CTNNA2: variants seen among roughly 807,000 people sequenced by gnomAD.
CTNNA2 encodes the protein catenin alpha 2, also known as catenin alpha-2.
Under a neutral mutation model 101.0 loss-of-function variants are expected in CTNNA2, and 42 were observed. The ratio of observed to expected loss-of-function variants is 0.42; its 90% CI spans 0.32 to 0.54. CTNNA2 has a LOEUF of 0.54. CTNNA2 is among the 20% of genes least tolerant of loss of function. CTNNA2 has a pLI of 0.14. For missense variants in CTNNA2, 871 were observed against 1,223.1 expected (o/e 0.71, Z 4.29); for synonymous variants, 450 against 456.4 (o/e 0.99, Z 0.18).
rs562391764 is a variant in CTNNA2 at position 80,052,946 on chromosome 2, T to C, written c.1056+143149T>C. ...TGAACTAAATAATGTCGGGTAGATT[T>C]TGACTTTATATCTTTTTCTTTTTTG... On this transcript the variant is annotated intron_variant, in intron 7 of 18. Transcript: ENST00000402739. Among the ~76,000 whole-genome samples the C allele has an allele frequency of 1.9e-3, 284 of 152,360 alleles. 1 individual carries two copies. Among genetic ancestry groups the C allele is most frequent in the Non-Finnish European group, 2.9e-3 (194 of 68,034 alleles).
At chr2:79,981,769 T>C (rs1691289269) in intron 7 of CTNNA2, among the ~76,000 whole-genome samples, 3 of 152,144 alleles carry the variant, frequency 2.0e-5, no homozygotes, top group African/African-American at 7.2e-5. Flanking sequence ...TTTCGTAAAT[T>C]TTTTATGTTC....
At chr2:79,477,150 C>CT (rs869095460) in intron 4 of CTNNA2, among the ~76,000 whole-genome samples, 1 of 111,316 alleles carries the variant, frequency 9.0e-6, no homozygotes, top group Non-Finnish European at 2.0e-5. Context: ...CTTTTTATTT[C>CT]TTTTTTTTCT....
chr2:79,720,251 T>C lies in CTNNA2; in HGVS notation c.103-24136T>C, dbSNP rs923071645. Among the ~76,000 whole-genome samples, 7 of 152,290 alleles carry C rather than the reference T, an allele frequency of 4.6e-5. No individual in the cohort carries two copies. In the East Asian group the frequency reaches 9.6e-4, roughly 21 times the overall value. On this transcript the variant is annotated intron_variant, in intron 2 of 18. Transcript: ENST00000402739. ...TTTTCTATTCTGTTCCATTGGTCAA[T>C]GTGTCTGTTTTTGTACCAGTACCGT...
chr2:79,784,930 G>T (rs7575462), intron 3 of CTNNA2, among the ~76,000 whole-genome samples: 26,497 of 152,006 alleles, frequency 0.17, 4,434 homozygotes, highest in African/African-American at 0.42. Flanking sequence ...TAGTGACTGG[G>T]AGGCATTGTA....
chr2:79,506,098 T>C (rs1302300803), intron 5 of CTNNA2, among the ~76,000 whole-genome samples: 1 of 152,186 alleles, frequency 6.6e-6, no homozygotes, highest in Non-Finnish European at 1.5e-5. Flanking sequence ...CAGTGGCATT[T>C]ATATTTTTTA....
intron 9 of CTNNA2, among the ~76,000 whole-genome samples, chr2:80,424,937 T>C (rs1274419943): frequency 1.3e-5 from 2 of 152,186 alleles, no homozygotes; most frequent in Non-Finnish European, 2.9e-5. Flanking sequence ...GTTGGCTGCC[T>C]CAGCGGGGCT....
intron 9 of CTNNA2, among the ~76,000 whole-genome samples, chr2:80,465,629 C>A (rs1260246036): frequency 1.3e-5 from 2 of 152,132 alleles, no homozygotes; most frequent in South Asian, 2.1e-4. Context: ...AAGGCCAATT[C>A]TAGGAAGAAA....
At chr2:79,463,938 T>C (rs1050690782) in intron 4 of CTNNA2, among the ~76,000 whole-genome samples, 1 of 151,876 alleles carries the variant, frequency 6.6e-6, no homozygotes, top group African/African-American at 2.4e-5. Flanking sequence ...AGATAGAACT[T>C]GGAAAAATAA....
intron 7 of CTNNA2, among the ~76,000 whole-genome samples, chr2:80,322,994 C>A (rs776925503): frequency 6.6e-6 from 1 of 152,140 alleles, no homozygotes; most frequent in Non-Finnish European, 1.5e-5. Context: ...GGGTATTAAC[C>A]GGAGAGGAAC....
chr2:80,616,168 G>A (rs1054760767), intron 17 of CTNNA2, among the ~76,000 whole-genome samples: 1 of 151,472 alleles, frequency 6.6e-6, no homozygotes, highest in Non-Finnish European at 1.5e-5. Flanking sequence ...CATTTTCTTT[G>A]GCAAATCTCT....
chr2:80,607,687 T>G (rs1038733652), intron 16 of CTNNA2, among the ~76,000 whole-genome samples: 1 of 151,888 alleles, frequency 6.6e-6, no homozygotes, highest in African/African-American at 2.4e-5. Flanking sequence ...TGTAATAGAT[T>G]TTTTATAAGT....
chr2:80,287,041 G>C (rs1425709535), intron 7 of CTNNA2, among the ~76,000 whole-genome samples: 1 of 152,154 alleles, frequency 6.6e-6, no homozygotes. Context: ...AATGAAAAGA[G>C]ATGTCCTGAA....
intron 7 of CTNNA2, among the ~76,000 whole-genome samples, chr2:80,337,746 G>A (rs34236255): frequency 0.047 from 7,121 of 152,166 alleles, 291 homozygotes; most frequent in African/African-American, 0.1. Flanking sequence ...TGGGGAATGC[G>A]CACCCAACAA....
rs181150960 is a variant in CTNNA2, at chr2:80,438,029, C to A, written c.1290+18428C>A. 3.6e-3 allele frequency among the ~76,000 whole-genome samples: 536 copies of A among 148,570 alleles called. 4 individuals carry two copies. Among genetic ancestry groups the A allele is most frequent in the Middle Eastern group, 0.014 (4 of 286 alleles). On this transcript the variant is annotated intron_variant, in intron 9 of 18. Transcript: ENST00000402739. ...TGTCTCAAACAAACAAACAAACAAA[C>A]AAAACAACACACACTGAGTGGCTTA...
intron 9 of CTNNA2, among the ~76,000 whole-genome samples, chr2:80,462,500 A>G (rs2149474079): frequency 6.6e-6 from 1 of 151,974 alleles, no homozygotes; most frequent in Non-Finnish European, 1.5e-5. Context: ...TACTCATTCA[A>G]TTTTGGGCAA....
At chr2:79,616,879 C>T (rs559946238) in intron 1 of CTNNA2, among the ~76,000 whole-genome samples, 2 of 151,794 alleles carry the variant, frequency 1.3e-5, no homozygotes, top group Non-Finnish European at 2.9e-5. Flanking sequence ...TCTTCTTTCT[C>T]CCCAATAATA....
At chr2:79,626,275 G>A (rs1400419267) in intron 1 of CTNNA2, among the ~76,000 whole-genome samples, 1 of 152,154 alleles carries the variant, frequency 6.6e-6, no homozygotes, top group Non-Finnish European at 1.5e-5. Flanking sequence ...GGGAGCAGTG[G>A]TCCCAGAACA....
chr2:79,512,897 C>G (rs1474675358), upstream of CTNNA2: 2 of 150,094 alleles, frequency 1.3e-5, no homozygotes, highest in Non-Finnish European at 3.0e-5. Context: ...GGCGCGCGAG[C>G]GAGCAAGCGG....
intron 7 of CTNNA2, among the ~76,000 whole-genome samples, chr2:80,135,864 C>G (rs1441703608): frequency 2.0e-5 from 3 of 152,128 alleles, no homozygotes; most frequent in Non-Finnish European, 2.9e-5. Context: ...CACTCCTTTT[C>G]TCCTTGTGCA....
Sources: allele counts gnomAD v4.1 joint callset (sites outside exome capture counted in the v4.1 genomes callset), GRCh38; gene constraint gnomAD v4.1.1; transcripts MANE v1.5; gene names NCBI Gene and HGNC (gene_info 2026-07-23, HGNC 2026-07-21).